IMMP2L: variants seen among roughly 807,000 people sequenced by gnomAD.
IMMP2L encodes the protein mitochondrial inner membrane protease subunit 2.
Under a neutral mutation model 19.3 loss-of-function variants are expected in IMMP2L, and 18 were observed. That is an observed-to-expected ratio of 0.93 (90% confidence interval 0.64 to 1.38). The LOEUF (loss-of-function observed/expected upper bound fraction) is 1.38, where lower values mean the gene tolerates loss of function less well. Ranked by LOEUF, IMMP2L falls within the 40% of genes most tolerant of loss-of-function variation. IMMP2L has a pLI of 0.00. For missense variants in IMMP2L, 233 were observed against 218.2 expected (o/e 1.07, Z -0.43); for synonymous variants, 76 against 73.0 (o/e 1.04, Z -0.21).
chr7:111,416,793 T>C (rs1834994397), intron 3 of IMMP2L, among the ~76,000 whole-genome samples: 1 of 151,714 alleles, frequency 6.6e-6, no homozygotes. Flanking sequence ...AATACATGAA[T>C]CATATGTAGT....
intron 3 of IMMP2L, among the ~76,000 whole-genome samples, chr7:111,114,327 T>C (rs139555024): frequency 1.3e-5 from 2 of 152,184 alleles, no homozygotes; most frequent in Non-Finnish European, 1.5e-5. Context: ...TCTATCTCTA[T>C]GCCACTGTTT....
rs1371133884 is a variant in IMMP2L at position 111,213,911 on chromosome 7, CTAAGA to C, written c.240-250351_240-250347del. Among the ~76,000 whole-genome samples the C allele has an allele frequency of 6.6e-6, 1 of 151,980 alleles. No individual in the cohort carries two copies. The highest frequency in any genetic ancestry group is 6.6e-5 in the Admixed American group (1 of 15,262). ...AGTCCTACAAATGTACCCCCTGTAT[CTAAGA>C]TAAAAGGTGATTTAAAAAAATAAGA... On this transcript the variant is annotated intron_variant, in intron 3 of 5. Transcript: ENST00000405709. This position sits in a 1 kb window ranked among gnomAD's most constrained non-coding sequence, Gnocchi z 4.8.
intron 3 of IMMP2L, among the ~76,000 whole-genome samples, chr7:111,480,765 C>G (rs931515032): frequency 6.6e-6 from 1 of 152,008 alleles, no homozygotes; most frequent in Non-Finnish European, 1.5e-5. Flanking sequence ...GGAATGAGTA[C>G]AGATAGAACA....
At chr7:110,769,490 A>G (rs934821715) in intron 5 of IMMP2L, among the ~76,000 whole-genome samples, 1 of 152,184 alleles carries the variant, frequency 6.6e-6, no homozygotes, top group Admixed American at 6.6e-5. Flanking sequence ...TTTTGGCCAC[A>G]GCATTTTTGT....
intron 2 of IMMP2L, among the ~76,000 whole-genome samples, chr7:111,502,458 C>T (rs1844388186): frequency 1.3e-5 from 2 of 152,040 alleles, no homozygotes; most frequent in Admixed American, 1.3e-4. Context: ...CTCACCTCTG[C>T]CCCAAGCATA....
At chr7:110,857,632 TA>T (rs1806932694) in intron 5 of IMMP2L, among the ~76,000 whole-genome samples, 1 of 152,100 alleles carries the variant, frequency 6.6e-6, no homozygotes. Flanking sequence ...TCTGTATTTT[TA>T]ACAAGAACTT....
intron 5 of IMMP2L, among the ~76,000 whole-genome samples, chr7:110,809,202 T>A (rs1801849797): frequency 6.6e-6 from 1 of 152,032 alleles, no homozygotes; most frequent in African/African-American, 2.4e-5. Flanking sequence ...TTTGGCCTGT[T>A]AATATTCAGT....
chr7:110,804,740 C>T (rs997613322), intron 5 of IMMP2L, among the ~76,000 whole-genome samples: 1 of 152,114 alleles, frequency 6.6e-6, no homozygotes, highest in Admixed American at 6.5e-5. Context: ...CCACTCCCCG[C>T]TGGGGCTGGA....
At chr7:110,937,005 A>G (rs1162680951) in intron 4 of IMMP2L, among the ~76,000 whole-genome samples, 1 of 152,142 alleles carries the variant, frequency 6.6e-6, no homozygotes, top group Non-Finnish European at 1.5e-5. Flanking sequence ...TTGAACAATG[A>G]GAACACATGA....
chr7:110,776,810 A>C (rs140611475), intron 5 of IMMP2L, among the ~76,000 whole-genome samples: 1 of 152,118 alleles, frequency 6.6e-6, no homozygotes, highest in East Asian at 1.9e-4. Flanking sequence ...CTTTCTCTTT[A>C]TGCCTCAAGT....
At chr7:111,327,646 G>GA (rs777189767) in intron 3 of IMMP2L, among the ~76,000 whole-genome samples, 2 of 151,480 alleles carry the variant, frequency 1.3e-5, no homozygotes, top group Non-Finnish European at 3.0e-5. Context: ...GCATGAAAAG[G>GA]AAAAATATTT....
At chr7:111,403,322 T>C (rs968502495) in intron 3 of IMMP2L, among the ~76,000 whole-genome samples, 8 of 151,924 alleles carry the variant, frequency 5.3e-5, no homozygotes, top group African/African-American at 1.9e-4. Context: ...CCACCATGAT[T>C]GTAAGTTTCC....
chr7:111,430,241 G>T (rs941470850), intron 3 of IMMP2L, among the ~76,000 whole-genome samples: 20 of 151,766 alleles, frequency 1.3e-4, no homozygotes, highest in Admixed American at 5.2e-4. Context: ...AAAGAAATAC[G>T]TTTGAATTTT....
chr7:110,860,719 T>G (rs1201188810), intron 5 of IMMP2L, among the ~76,000 whole-genome samples: 2 of 152,266 alleles, frequency 1.3e-5, no homozygotes, highest in African/African-American at 2.4e-5. Context: ...TAGCTCCCTT[T>G]ACATCTGTCA....
chr7:111,089,818 G>A (rs1455824086), intron 3 of IMMP2L, among the ~76,000 whole-genome samples: 1 of 151,970 alleles, frequency 6.6e-6, no homozygotes, highest in Non-Finnish European at 1.5e-5. Flanking sequence ...GAAAACTACA[G>A]AGTGAAAATA....
At chr7:110,831,537 C>T (rs1020781884) in intron 5 of IMMP2L, among the ~76,000 whole-genome samples, 1 of 151,944 alleles carries the variant, frequency 6.6e-6, no homozygotes, top group African/African-American at 2.4e-5. Context: ...TGTTATAGCC[C>T]CTAAAATATG....
chr7:110,689,578 C>T (rs892959970), intron 5 of IMMP2L, among the ~76,000 whole-genome samples: 1 of 152,050 alleles, frequency 6.6e-6, no homozygotes, highest in Non-Finnish European at 1.5e-5. Context: ...ATAGTTACCT[C>T]TTTTTACTGT....
chr7:111,230,608 C>T (rs1305603989), intron 3 of IMMP2L, among the ~76,000 whole-genome samples: 4 of 151,984 alleles, frequency 2.6e-5, no homozygotes, highest in Non-Finnish European at 4.4e-5. Flanking sequence ...TGGTGGTATA[C>T]ATTTATTTAT....
chr7:111,493,119 C>A (rs927326770), intron 2 of IMMP2L, among the ~76,000 whole-genome samples: 32 of 152,074 alleles, frequency 2.1e-4, no homozygotes, highest in African/African-American at 7.5e-4. Flanking sequence ...ATAATGTATA[C>A]ATCTCTTTCA....
Sources: gnomAD v4.1 joint callset for allele counts (sites outside exome capture counted in the v4.1 genomes callset) on GRCh38, gnomAD v4.1.1 for gene constraint, Gnocchi (gnomAD v3.1) non-coding constraint, MANE v1.5 for transcripts, NCBI Gene and HGNC (gene_info 2026-07-23, HGNC 2026-07-21) for gene names.